The following RIMS2 variants were observed in gnomAD, a reference collection of about 807,000 sequenced individuals.
The protein encoded by RIMS2 is regulating synaptic membrane exocytosis protein 2.
RIMS2 carries 59 observed loss-of-function variants against 174.4 expected under a neutral mutation model. The observed-to-expected ratio is 0.34, with a 90% CI of 0.27 to 0.42. RIMS2 has a LOEUF of 0.42. RIMS2 is among the 10% of genes least tolerant of loss of function. The pLI is 1.00. For synonymous variants in RIMS2, 606 were observed against 572.5 expected (o/e 1.06, Z -0.84); for missense variants, 1,620 against 1,666.3 (o/e 0.97, Z 0.48).
intron 19 of RIMS2, among the ~76,000 whole-genome samples, chr8:104,137,659 C>T (rs778671227): frequency 2.6e-5 from 4 of 152,070 alleles, no homozygotes; most frequent in Admixed American, 6.6e-5. Flanking sequence ...TCTTGACATC[C>T]TCACTGAATA....
In RIMS2 at chr8:104,193,548, C is replaced by G. The variant is rs139759071; in HGVS notation, c.3335-51368C>G. ...GACAGCTTCTTCATCAGATTGCCTG[C>G]TCTCATCTACCTTCCTACCGGCAGT... On this transcript the variant is annotated intron_variant, in intron 19 of 23. Coordinates refer to ENST00000504942, the Ensembl canonical transcript of RIMS2. 4.6e-3 allele frequency among the ~76,000 whole-genome samples: 697 copies of G among 152,286 alleles called. 9 individuals are homozygous for G. Among genetic ancestry groups the G allele is most frequent in the African/African-American group, 0.016 (655 of 41,550 alleles).
intron 1 of RIMS2, among the ~76,000 whole-genome samples, chr8:103,580,825 CTTTTTTTT>C (rs61559970): frequency 2.6e-5 from 3 of 113,454 alleles, no homozygotes; most frequent in Admixed American, 2.2e-4. Flanking sequence ...AAAGGGAATA[CTTTTTTTT>C]TTTTTTTTTT....
At chr8:104,141,357 A>G (rs2441835) in intron 19 of RIMS2, among the ~76,000 whole-genome samples, 32,093 of 152,152 alleles carry the variant, frequency 0.21, 3,868 homozygotes, top group East Asian at 0.57. Context: ...CAGACTAAAG[A>G]GTTTAAATAA....
intron 19 of RIMS2, among the ~76,000 whole-genome samples, chr8:104,156,570 C>A (rs1452718069): frequency 6.6e-6 from 1 of 152,132 alleles, no homozygotes. Flanking sequence ...TTTAAAATAA[C>A]TATTTGCAAA....
intron 1 of RIMS2, among the ~76,000 whole-genome samples, chr8:103,633,408 A>T (rs1224114287): frequency 6.6e-6 from 1 of 152,016 alleles, no homozygotes; most frequent in Non-Finnish European, 1.5e-5. Context: ...ATCATGGTGG[A>T]TTAGCTTTTT....
At chr8:104,107,578 C>T (rs915535500) in intron 19 of RIMS2, among the ~76,000 whole-genome samples, 3 of 152,210 alleles carry the variant, frequency 2.0e-5, no homozygotes, top group Non-Finnish European at 4.4e-5. Context: ...AGGAATAGAG[C>T]TTCCAACATA....
intron 19 of RIMS2, among the ~76,000 whole-genome samples, chr8:104,101,100 T>C (rs1386040629): frequency 7.5e-5 from 10 of 133,138 alleles, no homozygotes; most frequent in East Asian, 2.3e-4. Flanking sequence ...ATATATAATA[T>C]TGCATATATT....
At chr8:103,824,888 A>G (rs1256389489) in intron 3 of RIMS2, among the ~76,000 whole-genome samples, 2 of 152,354 alleles carry the variant, frequency 1.3e-5, no homozygotes, top group East Asian at 3.9e-4. Flanking sequence ...GGAAAATGAT[A>G]AGGAAAACTG....
chr8:104,001,024 C>G (rs1305045007), intron 17 of RIMS2, among the ~76,000 whole-genome samples: 2 of 151,750 alleles, frequency 1.3e-5, no homozygotes, highest in Non-Finnish European at 2.9e-5. Flanking sequence ...TGTCACTTCA[C>G]TTTGTTTATT....
intron 2 of RIMS2, among the ~76,000 whole-genome samples, chr8:103,722,657 C>T (rs760327536): frequency 6.6e-6 from 1 of 152,178 alleles, no homozygotes; most frequent in Non-Finnish European, 1.5e-5. Flanking sequence ...CACCACTAGC[C>T]TCCTGCTGTG....
At position 103,854,991 on chromosome 8, in the gene RIMS2, G is replaced by C. The variant is rs190557647; in HGVS notation, c.699-30307G>C. On this transcript the variant is annotated intron_variant, in intron 3 of 23. Coordinates refer to ENST00000504942, the Ensembl canonical transcript of RIMS2. The stretch of plus-strand genomic sequence containing the variant: ...CAGCTGTGAATTCATCTGGTCCAGG[G>C]CTTTTTTTGGTTGGTAGGTTTTTTA... Among the ~76,000 whole-genome samples, 494 of 151,992 alleles carry C rather than the reference G, an allele frequency of 3.3e-3. 6 individuals are homozygous for C. Among genetic ancestry groups the C allele is most frequent in the African/African-American group, 0.012 (478 of 41,488 alleles).
At chr8:103,590,061 G>C (rs2094172043) in intron 1 of RIMS2, among the ~76,000 whole-genome samples, 1 of 151,302 alleles carries the variant, frequency 6.6e-6, no homozygotes, top group Non-Finnish European at 1.5e-5. Flanking sequence ...TAATTGTACA[G>C]TTTGAAATAA....
intron 19 of RIMS2, among the ~76,000 whole-genome samples, chr8:104,054,977 G>C (rs1238431373): frequency 6.6e-6 from 1 of 151,852 alleles, no homozygotes; most frequent in East Asian, 1.9e-4. Context: ...TCTCTGTATA[G>C]GAATCCATTT....
intron 3 of RIMS2, among the ~76,000 whole-genome samples, chr8:103,870,135 GTT>G (rs35075712): frequency 0.25 from 36,249 of 144,352 alleles, 4,690 homozygotes; most frequent in Non-Finnish European, 0.28. Context: ...AAGGACAGCT[GTT>G]TTTTTTTTTT....
intron 1 of RIMS2, among the ~76,000 whole-genome samples, chr8:103,538,517 G>A (rs1208240645): frequency 6.8e-6 from 1 of 146,824 alleles, no homozygotes; most frequent in Non-Finnish European, 1.5e-5. Flanking sequence ...AAAGTCCATT[G>A]TATCATTCTT....
intron 2 of RIMS2, among the ~76,000 whole-genome samples, chr8:103,746,913 C>G (rs915182469): frequency 2.6e-5 from 4 of 152,002 alleles, no homozygotes; most frequent in African/African-American, 9.7e-5. Context: ...ATGTCCTGAC[C>G]TTGTGATCTG....
rs760792486 is a variant in RIMS2, at chr8:103,712,167, CTTT to C, written c.387+14890_387+14892del. On this transcript the variant is annotated intron_variant, in intron 2 of 23. Coordinates refer to ENST00000504942, the Ensembl canonical transcript of RIMS2. Reference sequence around the variant, plus strand: ...CCGCCTCACCCGCTTAATTTTTAAACTTTTTTTTTTTTTTTTTTTTTAAATAGA... The same window carrying C: ...CCGCCTCACCCGCTTAATTTTTAAACTTTTTTTTTTTTTTTTTTAAATAGA... Among the ~76,000 whole-genome samples, 701 of 127,276 alleles carry C rather than the reference CTTT, an allele frequency of 5.5e-3. 6 individuals carry two copies. Among genetic ancestry groups the C allele is most frequent in the African/African-American group, 0.018 (618 of 33,818 alleles). 83.5% of individuals were successfully genotyped at this position (127,276 alleles called of 152,430 possible). A position where few individuals can be genotyped will look rare whatever the true frequency, so the allele number is the denominator to read the frequency against.
chr8:103,738,306 A>G (rs745514714), intron 2 of RIMS2, among the ~76,000 whole-genome samples: 1 of 152,018 alleles, frequency 6.6e-6, no homozygotes, highest in Non-Finnish European at 1.5e-5. Flanking sequence ...CTTTGATTTA[A>G]ACTTCAAAAA....
At chr8:104,229,562 TGTTAGGAA>T (rs2099211991) in intron 19 of RIMS2, among the ~76,000 whole-genome samples, 1 of 152,194 alleles carries the variant, frequency 6.6e-6, no homozygotes, top group African/African-American at 2.4e-5. Flanking sequence ...GCCAGAAGGC[TGTTAGGAA>T]CCCATGAGCA....
Sources: allele counts gnomAD v4.1 joint callset (sites outside exome capture counted in the v4.1 genomes callset), GRCh38; gene constraint gnomAD v4.1.1; transcripts MANE v1.5; gene names NCBI Gene and HGNC (gene_info 2026-07-23, HGNC 2026-07-21).